ABL1: variants seen among roughly 807,000 people sequenced by gnomAD.
ABL1 encodes the protein ABL proto-oncogene 1, non-receptor tyrosine kinase.
In ABL1, 11 loss-of-function variants were observed where a neutral mutation model predicts 94.7. The observed-to-expected ratio is 0.12, with a 90% confidence interval of 0.07 to 0.19. The LOEUF is 0.19. ABL1 is among the 10% of genes least tolerant of loss of function. The probability of loss-of-function intolerance (pLI) is 1.00; values close to 1 mark genes in which losing one functional copy is unlikely to be tolerated. For missense variants in ABL1, 1,082 were observed against 1,489.4 expected (o/e 0.73, Z 4.50); for synonymous variants, 656 against 622.4 (o/e 1.05, Z -0.80).
At chr9:130,873,603 G>A (rs1488486072) in intron 6 of ABL1, among the ~76,000 whole-genome samples, 1 of 152,210 alleles carries the variant, frequency 6.6e-6, no homozygotes, top group Non-Finnish European at 1.5e-5. Context: ...TCAGAATTGT[G>A]TATGTGGAGG....
intron 1 of ABL1, among the ~76,000 whole-genome samples, chr9:130,797,236 G>GGAAAAAAAAAAAAAAAAA (rs1491324780): frequency 1.8e-5 from 1 of 55,168 alleles, no homozygotes; most frequent in African/African-American, 5.9e-5. Flanking sequence ...ACTCCATCTC[G>GGAAAAAAAAAAAAAAAAA]AAAAAAAAAA....
At chr9:130,820,752 A>T (rs953989489) in intron 1 of ABL1, among the ~76,000 whole-genome samples, 1 of 152,212 alleles carries the variant, frequency 6.6e-6, no homozygotes, top group Non-Finnish European at 1.5e-5. Context: ...CTCATCATTT[A>T]TATGACATCC....
At chr9:130,841,234 G>A (rs575693145) in intron 1 of ABL1, among the ~76,000 whole-genome samples, 14 of 151,346 alleles carry the variant, frequency 9.3e-5, no homozygotes, top group African/African-American at 2.7e-4. Flanking sequence ...TGCAAGCTCC[G>A]CCTCCTGGGT....
At chr9:130,855,639 AGT>A (rs1054579259) in intron 3 of ABL1, among the ~76,000 whole-genome samples, 5 of 152,120 alleles carry the variant, frequency 3.3e-5, no homozygotes, top group Non-Finnish European at 5.9e-5. Context: ...CCAAACCCAA[AGT>A]GTGGTGTTGT....
chr9:130,781,317 A>G (rs1057104552), intron 1 of ABL1, among the ~76,000 whole-genome samples: 2 of 152,180 alleles, frequency 1.3e-5, no homozygotes, highest in Non-Finnish European at 2.9e-5. Flanking sequence ...TTGGGAGGGC[A>G]CTGGTACAGT....
chr9:130,850,932 G>GTTTT (rs1402749221), intron 1 of ABL1, among the ~76,000 whole-genome samples: 9 of 151,420 alleles, frequency 5.9e-5, no homozygotes, highest in African/African-American at 2.2e-4. Flanking sequence ...TTGTTTGTTT[G>GTTTT]TTTGTTTTTT....
At chr9:130,879,327 T>G (rs1011889997) in intron 8 of ABL1, among the ~76,000 whole-genome samples, 2 of 152,258 alleles carry the variant, frequency 1.3e-5, no homozygotes, top group Non-Finnish European at 2.9e-5. Flanking sequence ...CGTCCATATA[T>G]TCAGATCTCT....
intron 1 of ABL1, among the ~76,000 whole-genome samples, chr9:130,808,432 TG>T (rs552846008): frequency 1.3e-5 from 2 of 151,810 alleles, no homozygotes; most frequent in Non-Finnish European, 2.9e-5. Flanking sequence ...TTAGTAGAGA[TG>T]GGGTTTCACC....
At chr9:130,857,107 T>C (rs765883110) in intron 3 of ABL1, among the ~76,000 whole-genome samples, 5 of 152,242 alleles carry the variant, frequency 3.3e-5, no homozygotes, top group Non-Finnish European at 5.9e-5. Flanking sequence ...TTTTTAAAAA[T>C]TCTGGTTGTA....
At chr9:130,775,171 A>G (rs1832297209) in intron 1 of ABL1, among the ~76,000 whole-genome samples, 1 of 152,206 alleles carries the variant, frequency 6.6e-6, no homozygotes, top group Non-Finnish European at 1.5e-5. Flanking sequence ...GACTATATCT[A>G]TCTTTTTCTC....
At chr9:130,744,713 C>T (rs1045311093) in intron 1 of ABL1, among the ~76,000 whole-genome samples, 5 of 150,656 alleles carry the variant, frequency 3.3e-5, no homozygotes, top group Non-Finnish European at 5.9e-5. Context: ...AAAAATTAGC[C>T]GAGCGTAGTG....
At chr9:130,748,795 T>C (rs1200422948) in intron 1 of ABL1, among the ~76,000 whole-genome samples, 1 of 152,176 alleles carries the variant, frequency 6.6e-6, no homozygotes, top group Non-Finnish European at 1.5e-5. Context: ...CAGGCTGGTC[T>C]CGAACTCCTG....
chr9:130,752,999 G>A (rs1052736306), intron 1 of ABL1, among the ~76,000 whole-genome samples: 1 of 151,510 alleles, frequency 6.6e-6, no homozygotes, highest in African/African-American at 2.4e-5. Flanking sequence ...GCTCACGCCT[G>A]TAGTCCCAGC....
At chr9:130,736,644 A>C (rs1334349948) in intron 1 of ABL1, among the ~76,000 whole-genome samples, 1 of 152,064 alleles carries the variant, frequency 6.6e-6, no homozygotes, top group Non-Finnish European at 1.5e-5. Flanking sequence ...GGCATGTGCC[A>C]CCACACCCGG....
chr9:130,771,670 T>TGG (rs1172729451), intron 1 of ABL1, among the ~76,000 whole-genome samples: 1 of 152,086 alleles, frequency 6.6e-6, no homozygotes, highest in African/African-American at 2.4e-5. Context: ...TAAGTCATAC[T>TGG]GGGATAGCAG....
intron 1 of ABL1, among the ~76,000 whole-genome samples, chr9:130,798,027 ATAG>A (rs1297165872): frequency 6.6e-6 from 1 of 152,232 alleles, no homozygotes; most frequent in Non-Finnish European, 1.5e-5. Context: ...TCCAGAAGAA[ATAG>A]TAGAAGTAGG....
intron 1 of ABL1, among the ~76,000 whole-genome samples, chr9:130,720,767 T>C (rs1479623142): frequency 6.6e-6 from 1 of 152,112 alleles, no homozygotes; most frequent in African/African-American, 2.4e-5. Flanking sequence ...GTAAGAGTGA[T>C]GATGCTTGGA....
chr9:130,860,876 C>T (rs930113554), intron 3 of ABL1, among the ~76,000 whole-genome samples: 2 of 152,170 alleles, frequency 1.3e-5, no homozygotes, highest in African/African-American at 2.4e-5. Flanking sequence ...CCCCAGGTCC[C>T]GCTCCGTTTT....
intron 1 of ABL1, among the ~76,000 whole-genome samples, chr9:130,819,983 G>A (rs1349969421): frequency 6.6e-6 from 1 of 151,724 alleles, no homozygotes; most frequent in Non-Finnish European, 1.5e-5. Flanking sequence ...AGCTTCAGAG[G>A]ACACTTGGCT....
Sources: allele counts gnomAD v4.1 joint callset (sites outside exome capture counted in the v4.1 genomes callset), GRCh38; gene constraint gnomAD v4.1.1; transcripts MANE v1.5; gene names NCBI Gene and HGNC (gene_info 2026-07-23, HGNC 2026-07-21).